Variants in COL23A1 observed in about 807,000 individuals in gnomAD.
The protein encoded by COL23A1 is collagen alpha-1(XXIII) chain.
COL23A1 carries 97 observed loss-of-function variants against 99.3 expected under a neutral mutation model. That is an observed-to-expected ratio of 0.98 (90% CI 0.83 to 1.16). The LOEUF is 1.16. Among genes scored for constraint, COL23A1 ranks in the 50% most tolerant of loss-of-function variants. The probability of loss-of-function intolerance (pLI) is 0.00; values close to 1 mark genes in which losing one functional copy is unlikely to be tolerated. For missense variants in COL23A1, 762 were observed against 757.4 expected, an observed-to-expected ratio of 1.01 and a Z score of -0.07; for synonymous variants, 320 against 308.2, an observed-to-expected ratio of 1.04 and a Z score of -0.40.
chr5:178,419,773 C>A (rs1765504389), intron 2 of COL23A1, among the ~76,000 whole-genome samples: 1 of 152,224 alleles, frequency 6.6e-6, no homozygotes, highest in Non-Finnish European at 1.5e-5. Flanking sequence ...TAGTATGCAC[C>A]TGTAACAACA....
Position 178,387,431 on chromosome 5 carries a change from C to T in COL23A1, c.362-80512G>A, listed in dbSNP as rs1037615688. On this transcript the variant is annotated intron_variant, in intron 2 of 28. Coordinates refer to ENST00000390654, the MANE Select transcript of COL23A1 (RefSeq NM_173465.4). This position sits in a 1 kb window ranked among gnomAD's most constrained non-coding sequence, Gnocchi z 4.7. ...GGTCCCTCCACAGGAGCGCTCCTCC[C>T]GAAACCCACCCACCGGACATGTTCC... Among the ~76,000 whole-genome samples, 4 of 152,116 alleles carry T rather than the reference C, an allele frequency of 2.6e-5. No individual in the cohort carries two copies. Among genetic ancestry groups the T allele is most frequent in the Non-Finnish European group, 4.4e-5 (3 of 68,018 alleles).
chr5:178,560,973 G>T (rs1480868716), intron 1 of COL23A1, among the ~76,000 whole-genome samples: 1 of 152,324 alleles, frequency 6.6e-6, no homozygotes, highest in African/African-American at 2.4e-5. Context: ...TCCCTGAAAA[G>T]GTGGCAGGTT....
chr5:178,399,789 G>C (rs1490545606), intron 2 of COL23A1, among the ~76,000 whole-genome samples: 1 of 152,252 alleles, frequency 6.6e-6, no homozygotes, highest in Non-Finnish European at 1.5e-5. Flanking sequence ...AGATACTGAA[G>C]TATCCAGAGC....
intron 2 of COL23A1, among the ~76,000 whole-genome samples, chr5:178,318,214 T>C (rs2127621631): frequency 6.6e-6 from 1 of 152,388 alleles, no homozygotes; most frequent in Admixed American, 6.5e-5. Flanking sequence ...TAGGCACCTG[T>C]GCTGGGTTTT....
chr5:178,365,799 G>A lies in COL23A1; in HGVS notation c.362-58880C>T, dbSNP rs2127712807. 6.6e-6 allele frequency among the ~76,000 whole-genome samples: 1 copy of A among 152,198 alleles called. No individual in the cohort carries two copies. Among genetic ancestry groups the A allele is most frequent in the African/African-American group, 2.4e-5 (1 of 41,530 alleles). ...GGAGTCCTCTGTGACCTGGGAGGGGGCCCACTCCCCCTACCCTCAGCGCTG... is the reference window on the plus strand; with the variant it reads ...GGAGTCCTCTGTGACCTGGGAGGGGACCCACTCCCCCTACCCTCAGCGCTG... On this transcript the variant is annotated intron_variant, in intron 2 of 28. Coordinates refer to ENST00000390654, the MANE Select transcript of COL23A1 (RefSeq NM_173465.4). This position sits in a 1 kb window ranked among gnomAD's most constrained non-coding sequence, Gnocchi z 5.2.
chr5:178,242,402 A>C lies in COL23A1; in HGVS notation c.1441-8T>G, dbSNP rs1364304762. ...TCGGGGTCCAGGGAAACCCTGACAA[A>C]AGGATTAGATGCTAAACCCGAAAAT... On this transcript the variant is annotated splice_polypyrimidine_tract_variant and splice_region_variant and intron_variant, in intron 25 of 28. Transcript: ENST00000390654. The C allele has an allele frequency of 1.2e-6, 2 of 1,613,882 alleles. No individual in the cohort carries two copies. The highest frequency in any genetic ancestry group is 1.7e-6 in the Non-Finnish European group (2 of 1,179,984).
chr5:178,300,280 C>T (rs1438400083), intron 3 of COL23A1, among the ~76,000 whole-genome samples: 2 of 150,526 alleles, frequency 1.3e-5, no homozygotes, highest in African/African-American at 4.9e-5. Flanking sequence ...CTTGGCCGGG[C>T]TGGTCTTGAA....
At position 178,452,718 on chromosome 5, in the gene COL23A1, T is replaced by A. The variant is rs553840118; in HGVS notation, c.361+107964A>T. Among the ~76,000 whole-genome samples, 72 of 152,232 alleles carry A rather than the reference T, an allele frequency of 4.7e-4. 1 individual carries two copies. The highest frequency in any genetic ancestry group is 7.8e-4 in the Non-Finnish European group (53 of 68,012). On this transcript the variant is annotated intron_variant, in intron 2 of 28. Coordinates refer to ENST00000390654, the MANE Select transcript of COL23A1 (RefSeq NM_173465.4). ...GAGGTTCAACCACACTCATAATAAG[T>A]GCACTGCAAATTGAAACTTCTCCAA...
intron 1 of COL23A1, among the ~76,000 whole-genome samples, chr5:178,579,745 T>C (rs1581676229): frequency 6.6e-6 from 1 of 151,938 alleles, no homozygotes; most frequent in Admixed American, 6.6e-5. Context: ...AGCCACCGCG[T>C]CTGGCCAAGG....
At chr5:178,372,309 G>A (rs939971839) in intron 2 of COL23A1, among the ~76,000 whole-genome samples, 2 of 152,210 alleles carry the variant, frequency 1.3e-5, no homozygotes, top group Non-Finnish European at 2.9e-5. Flanking sequence ...CAGGAGCGCC[G>A]TTTCCTCCAG....
chr5:178,483,430 C>G (rs1054189897), intron 2 of COL23A1, among the ~76,000 whole-genome samples: 1 of 152,192 alleles, frequency 6.6e-6, no homozygotes, highest in African/African-American at 2.4e-5. Context: ...CACTCGCCCT[C>G]AAGACACAGC....
chr5:178,280,210 G>C lies in COL23A1; in HGVS notation c.441+8114C>G, dbSNP rs987418105. ...ACTCTTGCGCTGGACTCCCGCCCTC[G>C]GGCCACAGCCTGGGCGATCAGCCAG... On this transcript the variant is annotated intron_variant, in intron 5 of 28. Coordinates refer to ENST00000390654, the MANE Select transcript of COL23A1 (RefSeq NM_173465.4). This position sits in a 1 kb window ranked among gnomAD's most constrained non-coding sequence, Gnocchi z 4.9. 2.0e-5 allele frequency among the ~76,000 whole-genome samples: 3 copies of C among 152,220 alleles called. No individual in the cohort carries two copies. Among genetic ancestry groups the C allele is most frequent in the African/African-American group, 7.2e-5 (3 of 41,468 alleles).
chr5:178,578,584 T>G (rs1237962005), intron 1 of COL23A1, among the ~76,000 whole-genome samples: 1 of 152,244 alleles, frequency 6.6e-6, no homozygotes, highest in East Asian at 1.9e-4. Context: ...GCTTTATGCC[T>G]TGTTTCACAG....
chr5:178,249,743 C>CTCTCTA (rs1554125240), intron 18 of COL23A1, among the ~76,000 whole-genome samples: 39 of 145,308 alleles, frequency 2.7e-4, no homozygotes, highest in African/African-American at 9.4e-4. Flanking sequence ...CTCTCTCTCT[C>CTCTCTA]TCTCTCTCGA....
At chr5:178,447,663 A>T (rs568728095) in intron 2 of COL23A1, among the ~76,000 whole-genome samples, 1 of 152,318 alleles carries the variant, frequency 6.6e-6, no homozygotes, top group Admixed American at 6.5e-5. Context: ...ATGTCCACAC[A>T]ATGACAAAAT....
chr5:178,268,860 G>T, intron 6 of COL23A1, 104 bp from the exon 7 acceptor site: 1 of 1,219,548 alleles, frequency 8.2e-7, no homozygotes. Flanking sequence ...CCGTGATGCT[G>T]GGCGGCTGAG....
rs572647230 is a variant in COL23A1, at chr5:178,361,962, G to C, written c.362-55043C>G. Among the ~76,000 whole-genome samples, 4 of 152,290 alleles carry C rather than the reference G, an allele frequency of 2.6e-5. No homozygotes were observed. In the East Asian group the frequency reaches 7.7e-4, roughly 29 times the overall value. ...CAAACCACAAGCTGACATCACACAG[G>C]GAGTCACTGGACGCCCCCTAGGAAA... On this transcript the variant is annotated intron_variant, in intron 2 of 28. Coordinates refer to ENST00000390654, the MANE Select transcript of COL23A1 (RefSeq NM_173465.4).
At chr5:178,523,197 TATATAG>T (rs1463472311) in intron 2 of COL23A1, among the ~76,000 whole-genome samples, 114 of 73,750 alleles carry the variant, frequency 1.5e-3, no homozygotes, top group East Asian at 0.014. Flanking sequence ...TATATATATA[TATATAG>T]AGAGAGAGAG....
chr5:178,246,578 T>C (rs1764708897), intron 22 of COL23A1, 125 bp from the exon 23 acceptor site: 2 of 936,844 alleles, frequency 2.1e-6, no homozygotes, highest in African/African-American at 1.6e-5. Context: ...CCCCCAGGCC[T>C]GGCCCCAGCT....
Sources: gnomAD v4.1 joint callset for allele counts (sites outside exome capture counted in the v4.1 genomes callset) on GRCh38, gnomAD v4.1.1 for gene constraint, Gnocchi (gnomAD v3.1) non-coding constraint, MANE v1.5 for transcripts, NCBI Gene and HGNC (gene_info 2026-07-23, HGNC 2026-07-21) for gene names.